ZBTB8A: variants seen among roughly 807,000 people sequenced by gnomAD.
ZBTB8A encodes the protein zinc finger and BTB domain-containing protein 8A.
In ZBTB8A, 19 loss-of-function variants were observed where a neutral mutation model predicts 37.8. That is an observed-to-expected ratio of 0.50 (90% confidence interval 0.35 to 0.74). ZBTB8A has a LOEUF of 0.74. ZBTB8A is among the 30% of genes least tolerant of loss of function. The pLI is 0.01. For missense variants in ZBTB8A, 394 were observed against 537.8 expected, an observed-to-expected ratio of 0.73 and a Z score of 2.65; for synonymous variants, 181 against 185.2, an observed-to-expected ratio of 0.98 and a Z score of 0.19.
chr1:32,564,412 G>A (rs1360887988), intron 2 of ZBTB8A, among the ~76,000 whole-genome samples: 6 of 152,152 alleles, frequency 3.9e-5, no homozygotes, highest in African/African-American at 1.2e-4. Flanking sequence ...TTGAAAAAAA[G>A]TCTGGAGCTT....
rs1311783822 is a variant in ZBTB8A, at chr1:32,603,860, TAGA to T, written c.*3446_*3448del. ...AATCTGTTGTATCATTTTAACATCA[TAGA>T]AGAACATTTAAGACATGTTTGTAAG... On this transcript the variant is annotated 3_prime_UTR_variant, in exon 5 of 5. Transcript: ENST00000373510. The T allele has an allele frequency of 6.6e-6, 1 of 152,548 alleles. No homozygotes were observed. The highest frequency in any genetic ancestry group is 6.5e-5 in the Admixed American group (1 of 15,280). 9.4% of individuals were successfully genotyped at this position (152,548 alleles called of 1,614,324 possible). A position where few individuals can be genotyped will look rare whatever the true frequency, so the allele number is the denominator to read the frequency against.
chr1:32,578,329 C>T lies in ZBTB8A; in HGVS notation c.-1-14602C>T, dbSNP rs189698516. ...TGACCTCAGGTGATCTGCCTGCCTC[C>T]GCCTCCCAAAGTGCTGGGATTACAG... On this transcript the variant is annotated intron_variant, in intron 2 of 4. Transcript: ENST00000373510. 7.8e-3 allele frequency among the ~76,000 whole-genome samples: 1,186 copies of T among 151,100 alleles called. 9 individuals are homozygous for T. Among genetic ancestry groups the T allele is most frequent in the Admixed American group, 0.013 (203 of 15,122 alleles).
intron 2 of ZBTB8A, among the ~76,000 whole-genome samples, chr1:32,559,580 G>T (rs3004080): frequency 0.95 from 143,930 of 152,134 alleles, 68,145 homozygotes; most frequent in East Asian, 1. Flanking sequence ...TCCTCCTACC[G>T]CACCCTCCTG....
At chr1:32,561,886 T>C (rs1644246152) in intron 2 of ZBTB8A, among the ~76,000 whole-genome samples, 1 of 152,280 alleles carries the variant, frequency 6.6e-6, no homozygotes, top group Admixed American at 6.5e-5. Context: ...CTCAATCCCA[T>C]GTCTCACATG....
chr1:32,583,377 T>A (rs1644422338), intron 2 of ZBTB8A, among the ~76,000 whole-genome samples: 1 of 133,362 alleles, frequency 7.5e-6, no homozygotes, highest in Non-Finnish European at 1.6e-5. Context: ...TGAGACCCTG[T>A]CTCAAAAAAA....
intron 1 of ZBTB8A, among the ~76,000 whole-genome samples, chr1:32,543,708 G>A (rs113562849): frequency 9.2e-5 from 14 of 151,778 alleles, no homozygotes; most frequent in Admixed American, 2.6e-4. Context: ...ACAAAGTCTC[G>A]TTCTGTCACC....
intron 2 of ZBTB8A, among the ~76,000 whole-genome samples, chr1:32,560,211 G>T (rs1644232960): frequency 6.6e-6 from 1 of 152,092 alleles, no homozygotes; most frequent in Non-Finnish European, 1.5e-5. Flanking sequence ...TGCCCCAATG[G>T]TCCAATCGCC....
In ZBTB8A at chr1:32,561,311, C is replaced by T. The variant is rs185502726; in HGVS notation, c.-2+7771C>T. ...ACCTACTTGCCTTTCAAGCATCTAC[C>T]CTAGCATCACATCACCTACGAAGCA... On this transcript the variant is annotated intron_variant, in intron 2 of 4. Coordinates refer to ENST00000373510, the MANE Select transcript of ZBTB8A (RefSeq NM_001040441.3). Among the ~76,000 whole-genome samples, 570 of 152,146 alleles carry T rather than the reference C, an allele frequency of 3.7e-3. 5 individuals are homozygous for T. Among genetic ancestry groups the T allele is most frequent in the African/African-American group, 0.013 (543 of 41,488 alleles).
intron 2 of ZBTB8A, among the ~76,000 whole-genome samples, chr1:32,558,784 A>G (rs868707313): frequency 5.3e-5 from 8 of 152,204 alleles, no homozygotes; most frequent in Admixed American, 2.0e-4. Flanking sequence ...TTTGGAATTC[A>G]GTAAGTTTGA....
intron 2 of ZBTB8A, among the ~76,000 whole-genome samples, chr1:32,569,657 G>C (rs1644310376): frequency 6.6e-6 from 1 of 151,936 alleles, no homozygotes; most frequent in South Asian, 2.1e-4. Context: ...CTCCCAAAGT[G>C]CTGGGATTAC....
At chr1:32,593,803 A>G (rs377007259) in intron 3 of ZBTB8A, 49 bp downstream of exon 3, 1 of 1,431,708 alleles carries the variant, frequency 7.0e-7, no homozygotes, top group African/African-American at 1.4e-5. Context: ...AAACTGCTAT[A>G]TTAATCAGTC....
At chr1:32,569,147 A>C (rs1644306287) in intron 2 of ZBTB8A, among the ~76,000 whole-genome samples, 1 of 152,092 alleles carries the variant, frequency 6.6e-6, no homozygotes, top group African/African-American at 2.4e-5. Flanking sequence ...TTTTGTCTTT[A>C]GCCATGATGG....
chr1:32,540,355 T>C (rs931560212), intron 1 of ZBTB8A, among the ~76,000 whole-genome samples: 2 of 152,194 alleles, frequency 1.3e-5, no homozygotes, highest in Admixed American at 1.3e-4. Context: ...GGTGGGCTTC[T>C]AACCACACAC....
rs150478201 is a variant in ZBTB8A, at chr1:32,592,995, G to A, written c.64G>A (p.Val22Ile). 4.3e-4 allele frequency: 690 copies of A among 1,614,106 alleles called. 2 individuals are homozygous for A. Among genetic ancestry groups the A allele is most frequent in the Non-Finnish European group, 5.1e-4 (605 of 1,180,054 alleles). The change falls in exon 3 of 5, where the codon GTA becomes ATA. Residue 22 changes from valine (V) to isoleucine (I), a missense_variant. Transcript: ENST00000373510. ...QQLNEQRRQD[V>I]FCDCSILVEG... The stretch of plus-strand genomic sequence containing the variant: ...ACTGAACGAGCAGCGCAGGCAAGAT[G>A]TATTTTGTGACTGCAGTATTCTAGT...
At chr1:32,555,666 A>C (rs150383904) in intron 2 of ZBTB8A, among the ~76,000 whole-genome samples, 190 of 152,186 alleles carry the variant, frequency 1.2e-3, no homozygotes, top group African/African-American at 4.5e-3. Flanking sequence ...GAGCCCCTTC[A>C]TTTCTGCTAA....
intron 2 of ZBTB8A, among the ~76,000 whole-genome samples, chr1:32,560,829 T>C (rs1400629638): frequency 6.6e-6 from 1 of 152,030 alleles, no homozygotes; most frequent in Non-Finnish European, 1.5e-5. Flanking sequence ...TTTCACCATG[T>C]TGTCCAGGCT....
intron 2 of ZBTB8A, among the ~76,000 whole-genome samples, chr1:32,561,517 C>A (rs1358767663): frequency 2.0e-5 from 3 of 152,122 alleles, no homozygotes; most frequent in Admixed American, 1.3e-4. Flanking sequence ...CCAGCCTCTG[C>A]TTCTGTCTTC....
At chr1:32,569,687 C>T (rs770440445) in intron 2 of ZBTB8A, among the ~76,000 whole-genome samples, 10 of 151,342 alleles carry the variant, frequency 6.6e-5, no homozygotes, top group South Asian at 4.2e-4. Context: ...CCACCGCTCC[C>T]GGCCAGCTTT....
chr1:32,566,491 C>G (rs1410306820), intron 2 of ZBTB8A, among the ~76,000 whole-genome samples: 1 of 152,058 alleles, frequency 6.6e-6, no homozygotes, highest in Non-Finnish European at 1.5e-5. Flanking sequence ...TGCCACTGCA[C>G]TCCAGCTTGG....
Sources: allele counts gnomAD v4.1 joint callset (sites outside exome capture counted in the v4.1 genomes callset), GRCh38; gene constraint gnomAD v4.1.1; transcripts MANE v1.5; gene names NCBI Gene and HGNC (gene_info 2026-07-23, HGNC 2026-07-21).